EML5: variants seen among roughly 807,000 people sequenced by gnomAD.
EML5 encodes the protein echinoderm microtubule-associated protein-like 5.
EML5 carries 120 observed loss-of-function variants against 250.0 expected under a neutral mutation model. The ratio of observed to expected loss-of-function variants is 0.48; its 90% CI spans 0.41 to 0.56. The LOEUF (loss-of-function observed/expected upper bound fraction) is 0.56, where lower values mean the gene tolerates loss of function less well. Among genes scored for constraint, EML5 ranks in the 20% least tolerant of loss-of-function variants. EML5 has a pLI of 0.00. For missense variants in EML5, 2,006 were observed against 2,437.6 expected (o/e 0.82, Z 3.73); for synonymous variants, 771 against 806.5 (o/e 0.96, Z 0.75).
intron 3 of EML5, among the ~76,000 whole-genome samples, chr14:88,745,191 G>GTA (rs1275425369): frequency 6.6e-6 from 1 of 151,816 alleles, no homozygotes; most frequent in Admixed American, 6.6e-5. Context: ...GTGTGTGTGT[G>GTA]TGTGTGTAAT....
chr14:88,766,893 C>T (rs1177125076), intron 1 of EML5, among the ~76,000 whole-genome samples: 1 of 152,108 alleles, frequency 6.6e-6, no homozygotes, highest in Non-Finnish European at 1.5e-5. Flanking sequence ...AAAGGACCCA[C>T]GTTGAGTATC....
chr14:88,769,464 T>C (rs899690769), intron 1 of EML5, among the ~76,000 whole-genome samples: 5 of 152,212 alleles, frequency 3.3e-5, no homozygotes, highest in African/African-American at 1.2e-4. Flanking sequence ...CTTTTCTTTA[T>C]AAATTATCCA....
At chr14:88,623,717 C>T (rs532794187) in intron 36 of EML5, 3 of 152,328 alleles carry the variant, frequency 2.0e-5, no homozygotes, top group South Asian at 4.1e-4. Context: ...TGGCCCAGAG[C>T]TTATTTTTGA....
Position 88,792,386 on chromosome 14 carries a change from C to G in EML5, c.118G>C (p.Val40Leu), listed in dbSNP as rs2094619631. 6.4e-7 allele frequency: 1 copy of G among 1,572,290 alleles called. No individual in the cohort carries two copies. Among genetic ancestry groups the G allele is most frequent in the Non-Finnish European group, 8.6e-7 (1 of 1,160,766 alleles). The change falls in exon 1 of 44, where the codon GTG becomes CTG. Residue 40 changes from valine (V) to leucine (L), a missense_variant. Physicochemically the swap from Val to Leu is conservative, Grantham distance 32 (BLOSUM62 1). Around this residue, in one of 7 missense-constraint regions of EML5, gnomAD observed 162 missense variants for 212.2 expected, o/e 0.76. Coordinates refer to ENST00000554922, the MANE Select transcript of EML5 (RefSeq NM_183387.3). The surrounding 1 kb of genome is among the most constrained non-coding windows in gnomAD (Gnocchi z 6.9). ...CTGTACACCACGCCGACCCCCGCCACGAAGTATACGATCTCCTTGGCCGCA... is the reference window on the plus strand; with the variant it reads ...CTGTACACCACGCCGACCCCCGCCAGGAAGTATACGATCTCCTTGGCCGCA... The part of the protein sequence containing the change: ...YTAAKEIVYF[V>L]AGVGVVYSPR...
intron 10 of EML5, among the ~76,000 whole-genome samples, chr14:88,707,825 T>C (rs2093343905): frequency 6.6e-6 from 1 of 152,188 alleles, no homozygotes; most frequent in Non-Finnish European, 1.5e-5. Flanking sequence ...AGGGCTCTTA[T>C]ATAGGAATGC....
At chr14:88,621,761 G>T in intron 37 of EML5, 1 of 336,560 alleles carries the variant, frequency 3.0e-6, no homozygotes, top group Non-Finnish European at 5.9e-6. Flanking sequence ...AATTTTCATA[G>T]GAGTTGTAGT....
rs915774803 is a variant in EML5 at position 88,702,310 on chromosome 14, A to T, written c.2238+136T>A. ...AAAGTTTGGGGTAAATTTTATTTAT[A>T]ATCTGAAAATAAAACTCATTCTAAA... On this transcript the variant is annotated intron_variant, in intron 14 of 43. Coordinates refer to ENST00000554922, the MANE Select transcript of EML5 (RefSeq NM_183387.3). The T allele has an allele frequency of 1.8e-5, 11 of 610,840 alleles. No homozygotes were observed. The African/African-American group carries it at 1.9e-4, about 11-fold the overall frequency. The allele number at this position is 610,840 out of a possible 1,614,324, so 37.8% of individuals were successfully genotyped here.
At chr14:88,739,752 C>T (rs1226058122) in intron 5 of EML5, among the ~76,000 whole-genome samples, 1 of 151,878 alleles carries the variant, frequency 6.6e-6, no homozygotes, top group African/African-American at 2.4e-5. Context: ...ATTAATAACC[C>T]TAATATTCAA....
chr14:88,792,301 CGGT>C lies in EML5; in HGVS notation c.197+3_197+5del. ...GGTGACGGCGGCGGCCCCCGCTCCCCGGTACCTGATGATGTCGTCGCTGTGGCC... is the reference window on the plus strand; with the variant it reads ...GGTGACGGCGGCGGCCCCCGCTCCCCACCTGATGATGTCGTCGCTGTGGCC... On this transcript the variant is annotated splice_donor_5th_base_variant and intron_variant, in intron 1 of 43. Coordinates refer to ENST00000554922, the MANE Select transcript of EML5 (RefSeq NM_183387.3). This position sits in a 1 kb window ranked among gnomAD's most constrained non-coding sequence, Gnocchi z 6.9. 1.9e-6 allele frequency: 3 copies of C among 1,550,190 alleles called. No individual in the cohort carries two copies. The highest frequency in any genetic ancestry group is 2.6e-6 in the Non-Finnish European group (3 of 1,149,098).
chr14:88,671,130 A>T (rs1311003444), intron 21 of EML5, among the ~76,000 whole-genome samples: 1 of 152,182 alleles, frequency 6.6e-6, no homozygotes, highest in East Asian at 1.9e-4. Flanking sequence ...GGTCAAAATG[A>T]AGGAAAAAAA....
chr14:88,637,777 G>A (rs1327490614), intron 32 of EML5, among the ~76,000 whole-genome samples: 2 of 152,128 alleles, frequency 1.3e-5, no homozygotes. Flanking sequence ...CTTGTTCCTT[G>A]TGCACAGTGA....
chr14:88,642,953 C>T lies in EML5; in HGVS notation c.4177G>A (p.Asp1393Asn). 6.2e-7 allele frequency: 1 copy of T among 1,606,772 alleles called. No homozygotes were observed. Among genetic ancestry groups the T allele is most frequent in the Admixed American group, 1.7e-5 (1 of 58,212 alleles). ...DCRNNVHYLN[D>N]GDDIIYHTAS... ...GTGTGATAAATTATATCATCACCAT[C>T]ATTTAAATAGTGAACATTATTCCTA... Residue 1393 changes from aspartate (D) to asparagine (N), a missense_variant, in exon 31 of 44, where the codon GAT (aspartate) becomes AAT (asparagine). By Grantham distance (23) the Asp-to-Asn change is conservative. Around this residue, in one of 7 missense-constraint regions of EML5, gnomAD observed 1,375 missense variants for 1,590.3 expected, o/e 0.86. Transcript: ENST00000554922.
At chr14:88,732,917 A>G (rs61986671) in intron 7 of EML5, among the ~76,000 whole-genome samples, 36,137 of 152,074 alleles carry the variant, frequency 0.24, 4,488 homozygotes, top group East Asian at 0.38. Flanking sequence ...TTCTAGCGAT[A>G]TTATTAAACA....
rs1417259260 is a variant in EML5 at position 88,719,333 on chromosome 14, CTGTG to C, written c.1188-4142_1188-4139del. Among the ~76,000 whole-genome samples, 4 of 105,086 alleles carry C rather than the reference CTGTG, an allele frequency of 3.8e-5. No individual in the cohort carries two copies. In the East Asian group the frequency reaches 2.8e-3, roughly 74 times the overall value. 68.9% of individuals were successfully genotyped at this position (105,086 alleles called of 152,430 possible). On this transcript the variant is annotated intron_variant, in intron 8 of 43. Coordinates refer to ENST00000554922, the MANE Select transcript of EML5 (RefSeq NM_183387.3). The stretch of plus-strand genomic sequence containing the variant: ...CCCAGGAGTTCGAGGCTGCAGTGAG[CTGTG>C]ATTGTGCTACTGTACTCCAGCCTGG...
chr14:88,712,545 C>G, intron 9 of EML5, 62 bp from the exon 10 acceptor site: 1 of 1,406,354 alleles, frequency 7.1e-7, no homozygotes, highest in African/African-American at 1.4e-5. Context: ...CAAGCCTAAA[C>G]TGTACTGAGA....
chr14:88,626,457 T>G lies in EML5; in HGVS notation c.4740+381A>C, dbSNP rs189439638. On this transcript the variant is annotated intron_variant, in intron 35 of 43. Transcript: ENST00000554922. ...CAACATAGCGAAACCCTGTCTCTAC[T>G]AAAAATGAAAGAAAAATTAGCCTAG... The G allele has an allele frequency of 1.3e-3, 256 of 190,564 alleles. 3 individuals carry two copies. In the South Asian group the frequency reaches 0.021, roughly 16 times the overall value. The allele number at this position is 190,564 out of a possible 1,614,324, so 11.8% of individuals were successfully genotyped here. A position where few individuals can be genotyped will look rare whatever the true frequency, so the allele number is the denominator to read the frequency against.
Position 88,642,943 on chromosome 14 carries a change from T to C in EML5, c.4187A>G (p.Asp1396Gly). 6.2e-7 allele frequency: 1 copy of C among 1,606,514 alleles called. No individual in the cohort carries two copies. Among genetic ancestry groups the C allele is most frequent in the Non-Finnish European group, 8.5e-7 (1 of 1,177,746 alleles). ...AACAGATGCAGTGTGATAAATTATA[T>C]CATCACCATCATTTAAATAGTGAAC... ...NNVHYLNDGD[D>G]IIYHTASVGI... Residue 1396 changes from aspartate (D) to glycine (G), a missense_variant, in exon 31 of 44, where the codon GAT becomes GGT. Physicochemically the swap from Asp to Gly is moderately conservative, Grantham distance 94. Around this residue, in one of 7 missense-constraint regions of EML5, gnomAD observed 1,375 missense variants for 1,590.3 expected, o/e 0.86. Transcript: ENST00000554922.
intron 1 of EML5, among the ~76,000 whole-genome samples, chr14:88,785,370 G>C (rs2049163181): frequency 6.6e-6 from 1 of 152,170 alleles, no homozygotes; most frequent in Admixed American, 6.5e-5. Flanking sequence ...ATAAAGCCTT[G>C]AGGGGAAGGA....
chr14:88,705,846 T>C, intron 11 of EML5: 1 of 612,302 alleles, frequency 1.6e-6, no homozygotes, highest in South Asian at 1.5e-5. Flanking sequence ...CAAATTTAAA[T>C]GTCTGTGCAA....
Sources: gnomAD v4.1 joint callset for allele counts (sites outside exome capture counted in the v4.1 genomes callset) on GRCh38, gnomAD v4.1.1 for gene constraint, gnomAD v4.1.1 regional missense constraint, Gnocchi (gnomAD v3.1) non-coding constraint, MANE v1.5 for transcripts, NCBI Gene and HGNC (gene_info 2026-07-23, HGNC 2026-07-21) for gene names.